The following CASS4 variants were observed in gnomAD, a reference collection of about 807,000 sequenced individuals.
CASS4 encodes cas scaffolding protein family member 4.
CASS4 carries 22 observed loss-of-function variants against 54.2 expected under a neutral mutation model. The ratio of observed to expected loss-of-function variants is 0.41; its 90% CI spans 0.29 to 0.58. CASS4 has a LOEUF of 0.58. Among genes scored for constraint, CASS4 ranks in the 20% least tolerant of loss-of-function variants. The pLI, the probability that CASS4 is intolerant of heterozygous loss-of-function variation, is 0.36. For missense variants in CASS4, 854 were observed against 986.7 expected, an observed-to-expected ratio of 0.87 and a Z score of 1.80; for synonymous variants, 409 against 391.5, an observed-to-expected ratio of 1.04 and a Z score of -0.53.
intron 5 of CASS4, chr20:56,453,513 T>A (rs1375851682): frequency 5.8e-6 from 1 of 171,150 alleles, no homozygotes; most frequent in Non-Finnish European, 1.2e-5. Context: ...AGTGTGTTTC[T>A]TAGCAACGAA....
chr20:56,445,541 C>T (rs568474802), intron 2 of CASS4, among the ~76,000 whole-genome samples: 7 of 152,354 alleles, frequency 4.6e-5, no homozygotes, highest in Admixed American at 2.0e-4. Flanking sequence ...TAGAGAACAT[C>T]GGAATCACCT....
At chr20:56,415,446 A>G (rs962700389) in intron 1 of CASS4, among the ~76,000 whole-genome samples, 18 of 152,228 alleles carry the variant, frequency 1.2e-4, no homozygotes, top group Admixed American at 1.2e-3. Flanking sequence ...CAATGCATCT[A>G]TAAGATACAT....
chr20:56,428,050 T>C (rs1376252889), intron 1 of CASS4, among the ~76,000 whole-genome samples: 4 of 152,200 alleles, frequency 2.6e-5, no homozygotes, highest in African/African-American at 9.7e-5. Context: ...AACTTCCTTA[T>C]TTACCACCTC....
At chr20:56,444,926 TATG>T (rs1980633279) in intron 2 of CASS4, among the ~76,000 whole-genome samples, 2 of 152,082 alleles carry the variant, frequency 1.3e-5, no homozygotes, top group African/African-American at 4.8e-5. Flanking sequence ...GCCCGACCAA[TATG>T]GTGAAACCCT....
Position 56,437,063 on chromosome 20 carries a change from A to G in CASS4, c.37-101A>G. On this transcript the variant is annotated intron_variant, in intron 1 of 5. Transcript: ENST00000679887. The surrounding 1 kb of genome is among the most constrained non-coding windows in gnomAD (Gnocchi z 4.7). ...GGTGGAAGAAATGAAATGAAAGGGC[A>G]TGATGAATTTGTATGAAGCTTTCTA... 9.7e-7 allele frequency: 1 copy of G among 1,033,786 alleles called. No individual in the cohort carries two copies. The highest frequency in any genetic ancestry group is 1.4e-6 in the Non-Finnish European group (1 of 707,628). 64.0% of individuals were successfully genotyped at this position (1,033,786 alleles called of 1,614,324 possible). A position where few individuals can be genotyped will look rare whatever the true frequency, so the allele number is the denominator to read the frequency against.
chr20:56,449,539 A>G (rs1325228789), intron 3 of CASS4, among the ~76,000 whole-genome samples: 1 of 152,164 alleles, frequency 6.6e-6, no homozygotes, highest in African/African-American at 2.4e-5. Flanking sequence ...GCAGCACACC[A>G]ACATGGCAGA....
intron 3 of CASS4, among the ~76,000 whole-genome samples, chr20:56,446,252 G>A (rs1039936765): frequency 6.6e-6 from 1 of 152,146 alleles, no homozygotes; most frequent in African/African-American, 2.4e-5. Context: ...ATTTATAATA[G>A]ATTGTTTTTT....
At chr20:56,431,671 A>C (rs1349584440) in intron 1 of CASS4, among the ~76,000 whole-genome samples, 2 of 152,200 alleles carry the variant, frequency 1.3e-5, no homozygotes, top group Non-Finnish European at 2.9e-5. Flanking sequence ...TCTGGGAAAA[A>C]GTCCTTACTT....
intron 5 of CASS4, among the ~76,000 whole-genome samples, chr20:56,454,796 G>A (rs981530737): frequency 7.9e-5 from 12 of 152,170 alleles, no homozygotes; most frequent in East Asian, 3.8e-4. Flanking sequence ...TGCTAGATTC[G>A]TCTCATCATG....
At position 56,451,949 on chromosome 20, in the gene CASS4, C is replaced by A; in HGVS notation, c.773C>A (p.Thr258Lys). 1 of 1,614,182 alleles carries A rather than the reference C, an allele frequency of 6.2e-7. No individual in the cohort carries two copies. The highest frequency in any genetic ancestry group is 8.5e-7 in the Non-Finnish European group (1 of 1,180,036). Reference sequence around the variant, plus strand: ...CCAGGAAAGGCCAGCGTCAGAAACACGCCTCTCACCAGCTTTGCGGAAGAA... The same window carrying A: ...CCAGGAAAGGCCAGCGTCAGAAACAAGCCTCTCACCAGCTTTGCGGAAGAA... ...VSPGKASVRN[T>K]PLTSFAEESR... Residue 258 changes from threonine to lysine, a missense_variant, in exon 5 of 6, where the codon ACG (threonine) becomes AAG (lysine). Physicochemically the swap from Thr to Lys is moderately conservative, Grantham distance 78. Coordinates refer to ENST00000679887, the MANE Select transcript of CASS4 (RefSeq NM_020356.4).
At chr20:56,434,170 C>T (rs924596110) in intron 1 of CASS4, among the ~76,000 whole-genome samples, 20 of 152,256 alleles carry the variant, frequency 1.3e-4, no homozygotes, top group Admixed American at 7.2e-4. Context: ...TGGAGGGCAA[C>T]GTGACAGCAT....
At chr20:56,453,254 A>G (rs1981132501) in intron 5 of CASS4, 125 bp downstream of exon 5, 1 of 689,336 alleles carries the variant, frequency 1.5e-6, no homozygotes, top group South Asian at 2.1e-5. Flanking sequence ...TCCATTTTCT[A>G]GAAAATAAAA....
intron 1 of CASS4, among the ~76,000 whole-genome samples, chr20:56,413,089 C>G (rs76068960): frequency 0.017 from 2,533 of 151,702 alleles, 74 homozygotes; most frequent in African/African-American, 0.059. Context: ...TGTACTCCAG[C>G]TACCGGAGAG....
intron 5 of CASS4, among the ~76,000 whole-genome samples, chr20:56,456,389 T>C (rs1202789657): frequency 6.6e-6 from 1 of 151,816 alleles, no homozygotes; most frequent in Non-Finnish European, 1.5e-5. Context: ...TCTTTTTTTT[T>C]TTGAGACGAA....
At chr20:56,444,679 C>T (rs1390802629) in intron 2 of CASS4, among the ~76,000 whole-genome samples, 2 of 152,156 alleles carry the variant, frequency 1.3e-5, no homozygotes, top group African/African-American at 4.8e-5. Context: ...CAGTGTGGTA[C>T]CCACCATTGA....
At chr20:56,434,901 C>T (rs181234075) in intron 1 of CASS4, among the ~76,000 whole-genome samples, 1 of 152,320 alleles carries the variant, frequency 6.6e-6, no homozygotes, top group African/African-American at 2.4e-5. Flanking sequence ...GAAGGATTAA[C>T]AGCAGTTACC....
At position 56,412,439 on chromosome 20, in the gene CASS4, A is replaced by T; in HGVS notation, c.-20A>T. On this transcript the variant is annotated 5_prime_UTR_variant, in exon 1 of 6. Transcript: ENST00000679887. This position sits in a 1 kb window ranked among gnomAD's most constrained non-coding sequence, Gnocchi z 4.2. ...AGATACTAGCTGCAGAGCTCAGGGGAGCTGCTCCACATCACCGACATGAAG... is the reference window on the plus strand; with the variant it reads ...AGATACTAGCTGCAGAGCTCAGGGGTGCTGCTCCACATCACCGACATGAAG... The T allele has an allele frequency of 6.2e-7, 1 of 1,611,702 alleles. No homozygotes were observed.
Position 56,458,838 on chromosome 20 carries a change from G to C in CASS4, c.*91G>C. 7.6e-7 allele frequency: 1 copy of C among 1,309,974 alleles called. No individual in the cohort carries two copies. The highest frequency in any genetic ancestry group is 1.0e-6 in the Non-Finnish European group (1 of 966,782). The allele number at this position is 1,309,974 out of a possible 1,614,324, so 81.1% of individuals were successfully genotyped here. ...TGCCCTATGGGAAAAGCCAGCCGGG[G>C]CATACACCAATGAGCTGAAACAGAC... On this transcript the variant is annotated 3_prime_UTR_variant, in exon 6 of 6. Transcript: ENST00000679887.
chr20:56,437,518 T>C lies in CASS4; in HGVS notation c.391T>C (p.Tyr131His). The C allele has an allele frequency of 6.3e-7, 1 of 1,586,650 alleles. No individual in the cohort carries two copies. Among genetic ancestry groups the C allele is most frequent in the Non-Finnish European group, 8.6e-7 (1 of 1,166,938 alleles). The stretch of plus-strand genomic sequence containing the variant: ...GCCCCAGCCCCCTACTGCCCAAGTC[T>C]ATGAATTCCCCGACCCTCCCACCAG... ...EGPQPPTAQV[Y>H]EFPDPPTSAR... is the part of the protein sequence containing the mutation. Residue 131 changes from tyrosine (Y) to histidine (H), a missense_variant, in exon 2 of 6, where the codon TAT becomes CAT. Transcript: ENST00000679887. The surrounding 1 kb of genome is among the most constrained non-coding windows in gnomAD (Gnocchi z 4.7).
Sources: gnomAD v4.1 joint callset for allele counts (sites outside exome capture counted in the v4.1 genomes callset) on GRCh38, gnomAD v4.1.1 for gene constraint, Gnocchi (gnomAD v3.1) non-coding constraint, MANE v1.5 for transcripts, NCBI Gene and HGNC (gene_info 2026-07-23, HGNC 2026-07-21) for gene names.